Variants in SGMS2 observed in about 807,000 individuals in gnomAD.
The protein encoded by SGMS2 is phosphatidylcholine:ceramide cholinephosphotransferase 2.
SGMS2 carries 21 observed loss-of-function variants against 43.8 expected under a neutral mutation model. The ratio of observed to expected loss-of-function variants is 0.48; its 90% CI spans 0.34 to 0.69. The LOEUF (loss-of-function observed/expected upper bound fraction) is 0.69. Among genes scored for constraint, SGMS2 ranks in the 30% least tolerant of loss-of-function variants. The pLI is 0.01. For synonymous variants in SGMS2, 167 were observed against 160.6 expected (o/e 1.04, Z -0.30); for missense variants, 384 against 443.2 (o/e 0.87, Z 1.20).
intron 2 of SGMS2, among the ~76,000 whole-genome samples, chr4:107,881,486 AAGT>A: frequency 6.6e-6 from 1 of 152,120 alleles, no homozygotes; most frequent in Admixed American, 6.6e-5. Flanking sequence ...TATGGGTACA[AAGT>A]AGGTGTATAT....
intron 1 of SGMS2, among the ~76,000 whole-genome samples, chr4:107,829,730 ATAT>A (rs917972309): frequency 2.0e-5 from 3 of 151,946 alleles, no homozygotes; most frequent in African/African-American, 4.8e-5. Flanking sequence ...TTTACTATTT[ATAT>A]TATTATTCTT....
intron 1 of SGMS2, among the ~76,000 whole-genome samples, chr4:107,847,031 A>G (rs1726868538): frequency 6.6e-6 from 1 of 152,102 alleles, no homozygotes; most frequent in South Asian, 2.1e-4. Flanking sequence ...TCAGATGAGT[A>G]GATTGCGAAA....
chr4:107,901,326 C>T (rs980441715), intron 4 of SGMS2, among the ~76,000 whole-genome samples: 12 of 152,164 alleles, frequency 7.9e-5, no homozygotes, highest in African/African-American at 2.9e-4. Flanking sequence ...ACAGAACAGG[C>T]ATCAGAGTTG....
At chr4:107,909,071 A>G (rs958923296) in intron 6 of SGMS2, among the ~76,000 whole-genome samples, 9 of 152,002 alleles carry the variant, frequency 5.9e-5, no homozygotes, top group African/African-American at 2.2e-4. Flanking sequence ...CTTCAACTTA[A>G]ATTAATTTTA....
intron 1 of SGMS2, among the ~76,000 whole-genome samples, chr4:107,828,081 A>G (rs978843421): frequency 6.6e-6 from 1 of 152,194 alleles, no homozygotes; most frequent in Non-Finnish European, 1.5e-5. Context: ...GAGTATTCCA[A>G]CTTATTAGTT....
intron 2 of SGMS2, among the ~76,000 whole-genome samples, 192 bp downstream of exon 2, chr4:107,858,745 A>G (rs1727561277): frequency 1.3e-5 from 2 of 152,116 alleles, no homozygotes; most frequent in Admixed American, 6.6e-5. Flanking sequence ...TTTCATCCTC[A>G]GGAGAGTCTT....
rs147076271 is a variant in SGMS2, at chr4:107,851,577, A to G, written c.-326-6895A>G. Among the ~76,000 whole-genome samples the G allele has an allele frequency of 1.8e-3, 275 of 152,310 alleles. 1 individual carries two copies. The highest frequency in any genetic ancestry group is 0.01 in the Middle Eastern group (3 of 294). ...AGTCTGTTAACCTACTCAGGTGTAT[A>G]TTCTACAGGATCCTTACAGTTTTGA... On this transcript the variant is annotated intron_variant, in intron 1 of 6. Coordinates refer to ENST00000690982, the MANE Select transcript of SGMS2 (RefSeq NM_001375905.1).
intron 2 of SGMS2, among the ~76,000 whole-genome samples, chr4:107,890,527 T>G (rs867522060): frequency 2.6e-5 from 4 of 151,936 alleles, no homozygotes; most frequent in Non-Finnish European, 5.9e-5. Context: ...ATACAAAAAT[T>G]AGCTGGGTGT....
chr4:107,904,353 T>C (rs1447900637), intron 5 of SGMS2, among the ~76,000 whole-genome samples: 3 of 152,282 alleles, frequency 2.0e-5, no homozygotes, highest in Non-Finnish European at 4.4e-5. Flanking sequence ...CTGTCCTCCT[T>C]GTTCTTCCCT....
chr4:107,873,063 C>A (rs1728662975), intron 2 of SGMS2, among the ~76,000 whole-genome samples: 1 of 152,172 alleles, frequency 6.6e-6, no homozygotes, highest in African/African-American at 2.4e-5. Context: ...CAGCTCACTG[C>A]AGTTTTTATG....
chr4:107,888,737 CT>C lies in SGMS2; in HGVS notation c.-244-6564del, dbSNP rs893383289. 5.3e-5 allele frequency among the ~76,000 whole-genome samples: 8 copies of C among 151,100 alleles called. No homozygotes were observed. In the South Asian group the frequency reaches 8.4e-4, roughly 16 times the overall value. Reference sequence around the variant, plus strand: ...GTTCACCCTTTTTTAAAAGGACACACTTTTTTTTTAAGAAAGAATGTTTTCC... The same window carrying C: ...GTTCACCCTTTTTTAAAAGGACACACTTTTTTTTAAGAAAGAATGTTTTCC... On this transcript the variant is annotated intron_variant, in intron 2 of 6. Transcript: ENST00000690982.
At chr4:107,847,925 A>G (rs2126009844) in intron 1 of SGMS2, among the ~76,000 whole-genome samples, 1 of 152,294 alleles carries the variant, frequency 6.6e-6, no homozygotes, top group East Asian at 1.9e-4. Flanking sequence ...AATATGATAT[A>G]TTATTAACCA....
At chr4:107,888,586 T>C (rs1364844925) in intron 2 of SGMS2, among the ~76,000 whole-genome samples, 1 of 152,092 alleles carries the variant, frequency 6.6e-6, no homozygotes, top group Non-Finnish European at 1.5e-5. Flanking sequence ...AAATTATTTC[T>C]CTTTAAGCTT....
chr4:107,851,925 AT>A (rs1238759122), intron 1 of SGMS2, among the ~76,000 whole-genome samples: 1 of 152,132 alleles, frequency 6.6e-6, no homozygotes, highest in Admixed American at 6.6e-5. Context: ...CACAAATGGC[AT>A]CTTGCTAAAA....
intron 5 of SGMS2, chr4:107,907,108 C>T (rs192013720): frequency 2.0e-4 from 30 of 152,244 alleles, no homozygotes; most frequent in African/African-American, 7.0e-4. Context: ...CATTAAAATT[C>T]TGAGATTCCA....
chr4:107,876,836 A>G (rs979566330), intron 2 of SGMS2, among the ~76,000 whole-genome samples: 2 of 152,074 alleles, frequency 1.3e-5, no homozygotes, highest in Non-Finnish European at 2.9e-5. Context: ...ATTATGATCT[A>G]TTTACTTAGA....
At chr4:107,909,132 G>A (rs1037028713) in intron 6 of SGMS2, among the ~76,000 whole-genome samples, 22 of 149,466 alleles carry the variant, frequency 1.5e-4, no homozygotes, top group Non-Finnish European at 2.5e-4. Context: ...TTGAGACAGA[G>A]TCTTGTTCTA....
At chr4:107,860,261 T>A (rs1167703779) in intron 2 of SGMS2, among the ~76,000 whole-genome samples, 2 of 152,128 alleles carry the variant, frequency 1.3e-5, no homozygotes. Flanking sequence ...TAAGACACTT[T>A]CCTCATTCTT....
intron 4 of SGMS2, among the ~76,000 whole-genome samples, chr4:107,900,579 A>G (rs1240736976): frequency 2.6e-5 from 4 of 152,202 alleles, no homozygotes; most frequent in Admixed American, 2.6e-4. Context: ...TGTCTTCTGA[A>G]ACCATCCTAA....
Sources: gnomAD v4.1 joint callset for allele counts (sites outside exome capture counted in the v4.1 genomes callset) on GRCh38, gnomAD v4.1.1 for gene constraint, MANE v1.5 for transcripts, NCBI Gene and HGNC (gene_info 2026-07-23, HGNC 2026-07-21) for gene names.